The following ACVR1 variants were observed in gnomAD, a reference collection of about 807,000 sequenced individuals.
ACVR1 encodes activin A receptor type 1, also known as activin receptor type-1.
A neutral mutation model predicts 57.1 loss-of-function variants in ACVR1; 38 were observed. That is an observed-to-expected ratio of 0.67 (90% CI 0.51 to 0.87). The LOEUF (loss-of-function observed/expected upper bound fraction) is 0.87. ACVR1 is among the 40% of genes least tolerant of loss of function. The pLI is 0.00. For synonymous variants in ACVR1, 212 were observed against 228.1 expected, an observed-to-expected ratio of 0.93 and a Z score of 0.63; for missense variants, 463 against 638.2, an observed-to-expected ratio of 0.73 and a Z score of 2.96.
chr2:157,749,887 A>T (rs1041048976), intron 9 of ACVR1, among the ~76,000 whole-genome samples: 8 of 152,184 alleles, frequency 5.3e-5, no homozygotes, highest in African/African-American at 1.9e-4. Flanking sequence ...CACCAATGGG[A>T]GGCCTGAGGA....
At chr2:157,782,419 T>C (rs1249187848) in intron 3 of ACVR1, among the ~76,000 whole-genome samples, 9 of 152,178 alleles carry the variant, frequency 5.9e-5, no homozygotes, top group Admixed American at 3.9e-4. Context: ...CCTCAAACAT[T>C]CTTAATGAGC....
chr2:157,793,381 G>A (rs1023590304), intron 3 of ACVR1, among the ~76,000 whole-genome samples: 21 of 152,032 alleles, frequency 1.4e-4, no homozygotes, highest in African/African-American at 4.1e-4. Flanking sequence ...AAAGAATGTG[G>A]CACTAGTTTA....
intron 3 of ACVR1, among the ~76,000 whole-genome samples, chr2:157,784,881 T>C (rs1214652939): frequency 6.6e-6 from 1 of 152,230 alleles, no homozygotes; most frequent in Non-Finnish European, 1.5e-5. Flanking sequence ...TCGTGGACTT[T>C]TAAAAACTGT....
chr2:157,813,291 CA>C (rs1687815820), intron 2 of ACVR1, among the ~76,000 whole-genome samples: 1 of 151,792 alleles, frequency 6.6e-6, no homozygotes, highest in African/African-American at 2.4e-5. Flanking sequence ...AGAAATAGAC[CA>C]AAATCTATAT....
rs562300149 is a variant in ACVR1, at chr2:157,803,532, C to A, written c.-7-4032G>T. On this transcript the variant is annotated intron_variant, in intron 2 of 10. Transcript: ENST00000434821. ...ATTTCAATTATAAGAAACATCAATA[C>A]GCTAAAATCTCAACCCGAAGTCCCA... Among the ~76,000 whole-genome samples, 8 of 152,254 alleles carry A rather than the reference C, an allele frequency of 5.3e-5. No individual in the cohort carries two copies. The East Asian group carries it at 1.4e-3, about 26-fold the overall frequency.
At chr2:157,745,306 GAGAA>G (rs1684926427) in intron 9 of ACVR1, among the ~76,000 whole-genome samples, 1 of 152,156 alleles carries the variant, frequency 6.6e-6, no homozygotes, top group Non-Finnish European at 1.5e-5. Context: ...CTCCAAAATC[GAGAA>G]AGAGAGGAGC....
intron 1 of ACVR1, among the ~76,000 whole-genome samples, chr2:157,853,655 T>C (rs920976305): frequency 6.6e-6 from 1 of 152,218 alleles, no homozygotes; most frequent in Non-Finnish European, 1.5e-5. Context: ...ATAGCTAGCA[T>C]ATTTCAGGAT....
intron 4 of ACVR1, 55 bp from the exon 5 acceptor site, chr2:157,778,397 A>G (rs1686377163): frequency 7.0e-7 from 1 of 1,426,260 alleles, no homozygotes; most frequent in Non-Finnish European, 9.8e-7. Flanking sequence ...CTTACTTATT[A>G]TTAGCATAAC....
At chr2:157,745,056 A>G (rs948383386) in intron 9 of ACVR1, among the ~76,000 whole-genome samples, 1 of 152,254 alleles carries the variant, frequency 6.6e-6, no homozygotes, top group Non-Finnish European at 1.5e-5. Context: ...CTCAAAGTCC[A>G]AACTAATTGC....
intron 1 of ACVR1, among the ~76,000 whole-genome samples, chr2:157,856,588 CA>C (rs1344953677): frequency 6.6e-6 from 1 of 152,156 alleles, no homozygotes; most frequent in Non-Finnish European, 1.5e-5. Flanking sequence ...GTGGTGGTTA[CA>C]AAACATCATC....
intron 1 of ACVR1, among the ~76,000 whole-genome samples, chr2:157,843,875 C>T (rs1310883965): frequency 6.6e-6 from 1 of 151,966 alleles, no homozygotes. Context: ...ATGCTTAATA[C>T]AAAAAACATG....
chr2:157,828,629 A>T (rs947366283), intron 1 of ACVR1, among the ~76,000 whole-genome samples: 61 of 152,108 alleles, frequency 4.0e-4, no homozygotes, highest in African/African-American at 1.4e-3. Flanking sequence ...CCAAAAAAAG[A>T]TAGCTTTCCA....
intron 2 of ACVR1, among the ~76,000 whole-genome samples, chr2:157,802,523 A>G (rs1448080883): frequency 6.6e-6 from 1 of 151,828 alleles, no homozygotes; most frequent in East Asian, 1.9e-4. Context: ...CCCACTACCC[A>G]TTATTATCAC....
chr2:157,743,593 A>G (rs942478474), intron 9 of ACVR1, among the ~76,000 whole-genome samples: 1 of 151,930 alleles, frequency 6.6e-6, no homozygotes, highest in African/African-American at 2.4e-5. Flanking sequence ...TACATTTTAT[A>G]AAGGTAATAG....
chr2:157,829,291 C>T (rs1243238293), intron 1 of ACVR1, among the ~76,000 whole-genome samples: 1 of 152,186 alleles, frequency 6.6e-6, no homozygotes, highest in African/African-American at 2.4e-5. Flanking sequence ...CTATCTTCTG[C>T]AATGGAACCA....
chr2:157,802,379 A>C (rs1687356523), intron 2 of ACVR1, among the ~76,000 whole-genome samples: 1 of 152,196 alleles, frequency 6.6e-6, no homozygotes, highest in South Asian at 2.1e-4. Flanking sequence ...GAAGAGTCAC[A>C]AAGAGTCGGC....
At chr2:157,855,074 C>T (rs188037459) in intron 1 of ACVR1, among the ~76,000 whole-genome samples, 2 of 151,690 alleles carry the variant, frequency 1.3e-5, no homozygotes, top group African/African-American at 4.8e-5. Flanking sequence ...ACCTTACACT[C>T]TCCCAATGTT....
intron 9 of ACVR1, among the ~76,000 whole-genome samples, chr2:157,754,277 G>T (rs578214848): frequency 6.6e-6 from 1 of 152,044 alleles, no homozygotes; most frequent in East Asian, 1.9e-4. Context: ...AGAACTAAAT[G>T]AAATCGAAAC....
At chr2:157,825,660 T>C (rs1237045618) in intron 1 of ACVR1, among the ~76,000 whole-genome samples, 2 of 152,172 alleles carry the variant, frequency 1.3e-5, no homozygotes, top group African/African-American at 2.4e-5. Flanking sequence ...AACAGTTTCA[T>C]CCTGAAACCA....
Sources: gnomAD v4.1 joint callset for allele counts (sites outside exome capture counted in the v4.1 genomes callset) on GRCh38, gnomAD v4.1.1 for gene constraint, MANE v1.5 for transcripts, NCBI Gene and HGNC (gene_info 2026-07-23, HGNC 2026-07-21) for gene names.